Variants in GIGYF1 observed in about 807,000 individuals in gnomAD.
GIGYF1 encodes the protein GRB10 interacting GYF protein 1, also known as GRB10-interacting GYF protein 1.
A neutral mutation model predicts 147.1 loss-of-function variants in GIGYF1; 84 were observed. The ratio of observed to expected loss-of-function variants is 0.57; its 90% CI spans 0.48 to 0.68. The LOEUF is 0.68. Ranked by LOEUF, GIGYF1 falls within the 30% of genes least tolerant of loss-of-function variation. GIGYF1 has a pLI of 0.00. For missense variants in GIGYF1, 1,485 were observed against 1,393.7 expected, an observed-to-expected ratio of 1.07 and a Z score of -1.04; for synonymous variants, 752 against 589.5, an observed-to-expected ratio of 1.28 and a Z score of -3.99.
chr7:100,682,104 G>C lies in GIGYF1; in HGVS notation c.2893C>G (p.Gln965Glu), dbSNP rs1198856370. 8.1e-6 allele frequency: 13 copies of C among 1,613,682 alleles called. No individual in the cohort carries two copies. Among genetic ancestry groups the C allele is most frequent in the Non-Finnish European group, 1.0e-5 (12 of 1,179,866 alleles). ...TGCTGCCGCTGCTGGCTGGCTTTCT[G>C]CTTGGCCCTCCGCTCCAGGAATTGT... ...AKQFLERRAK[Q>E]KASQQRQQQQ... is the part of the protein sequence containing the mutation. Residue 965 changes from glutamine (Q) to glutamate (E), a missense_variant, in exon 25 of 27, where the codon CAG becomes GAG. Transcript: ENST00000678049.
At chr7:100,689,934 T>C (rs997456371) in intron 1 of GIGYF1, among the ~76,000 whole-genome samples, 2 of 152,042 alleles carry the variant, frequency 1.3e-5, no homozygotes, top group Admixed American at 6.5e-5. Context: ...GAGCAGTCAC[T>C]CATTGAGGGA....
At chr7:100,691,725 C>T (rs117945036) in intron 1 of GIGYF1, among the ~76,000 whole-genome samples, 5,537 of 152,168 alleles carry the variant, frequency 0.036, 154 homozygotes, top group Middle Eastern at 0.099. Flanking sequence ...GCCCTCAAGC[C>T]TCGGCCTACT....
intron 24 of GIGYF1, 34 bp downstream of exon 24, chr7:100,682,288 G>A: frequency 1.2e-6 from 2 of 1,608,682 alleles, no homozygotes; most frequent in Non-Finnish European, 1.7e-6. Context: ...TGGAGACCCA[G>A]GTCCCGCCCA....
intron 12 of GIGYF1, 87 bp from the exon 13 acceptor site, chr7:100,685,568 G>A (rs1288008474): frequency 7.5e-6 from 11 of 1,458,090 alleles, no homozygotes; most frequent in East Asian, 2.3e-5. Flanking sequence ...GGCTGGAACC[G>A]CGGGTCACAC....
Position 100,687,835 on chromosome 7 carries a change from C to T in GIGYF1, c.214G>A (p.Glu72Lys), listed in dbSNP as rs759529912. 3 of 1,612,896 alleles carry T rather than the reference C, an allele frequency of 1.9e-6. No individual in the cohort carries two copies. The Admixed American group carries it at 5.0e-5, about 27-fold the overall frequency. Residue 72 changes from glutamate (E) to lysine (K), a missense_variant, in exon 6 of 27, where the codon GAG (glutamate) becomes AAG (lysine). Physicochemically the swap from Glu to Lys is moderately conservative, Grantham distance 56. Transcript: ENST00000678049. ...TCCAGAGCCAGGGGCTGCAGTGGCT[C>T]GTCCTGCAGCACCGCGGCGAACTCC... Reference protein sequence around the residue: ...DKEFAAVLQDEPLQPLALEPL... With the variant: ...DKEFAAVLQDKPLQPLALEPL...
intron 8 of GIGYF1, 43 bp downstream of exon 8, chr7:100,687,255 C>G (rs1305450979): frequency 1.3e-6 from 2 of 1,580,436 alleles, no homozygotes; most frequent in African/African-American, 1.3e-5. Flanking sequence ...GCCTCCCCTC[C>G]CTGGCCTGCC....
In GIGYF1 at chr7:100,680,165, CAAAAAAAAAAAAAAAA is replaced by C. The variant is rs60489348; in HGVS notation, c.*1538_*1553del. 5.7e-5 allele frequency: 4 copies of C among 69,642 alleles called. No individual in the cohort carries two copies. Among genetic ancestry groups the C allele is most frequent in the Non-Finnish European group, 1.0e-4 (4 of 38,722 alleles). The allele number at this position is 69,642 out of a possible 1,614,324, so 4.3% of individuals were successfully genotyped here. A position where few individuals can be genotyped will look rare whatever the true frequency, so the allele number is the denominator to read the frequency against. The stretch of plus-strand genomic sequence containing the variant: ...CACTGACCTAGTTGCCACTTTGGTG[CAAAAAAAAAAAAAAAA>C]AAAAAAAAATCCAACAACAGAAAAC... On this transcript the variant is annotated 3_prime_UTR_variant, in exon 27 of 27. Transcript: ENST00000678049.
chr7:100,685,286 G>A (rs1584497981), intron 13 of GIGYF1, 58 bp downstream of exon 13: 1 of 1,542,708 alleles, frequency 6.5e-7, no homozygotes, highest in Non-Finnish European at 8.7e-7. Context: ...CACGAGTGGG[G>A]AGCACTTTCT....
At chr7:100,685,223 A>C (rs1383791460) in intron 13 of GIGYF1, 77 bp from the exon 14 acceptor site, 20 of 1,518,896 alleles carry the variant, frequency 1.3e-5, no homozygotes, top group Non-Finnish European at 1.7e-5. Context: ...TCACTCCAGA[A>C]CACCACGCTC....
At chr7:100,685,625 G>C in intron 12 of GIGYF1, 144 bp from the exon 13 acceptor site, 2 of 897,690 alleles carry the variant, frequency 2.2e-6, no homozygotes, top group African/African-American at 1.7e-5. Context: ...CTCAACTAAT[G>C]GCAGAGGGAA....
chr7:100,688,877 T>G lies in GIGYF1; in HGVS notation c.-420A>C, dbSNP rs1390639006. The G allele has an allele frequency of 6.0e-6, 1 of 166,458 alleles. No individual in the cohort carries two copies. Among genetic ancestry groups the G allele is most frequent in the Non-Finnish European group, 1.3e-5 (1 of 76,268 alleles). 10.3% of individuals were successfully genotyped at this position (166,458 alleles called of 1,614,324 possible). A position where few individuals can be genotyped will look rare whatever the true frequency, so the allele number is the denominator to read the frequency against. On this transcript the variant is annotated 5_prime_UTR_variant, in exon 2 of 27. Transcript: ENST00000678049. ...TGGGAGGCTGAGACAGGAGGTGTAG[T>G]GAAGAACTCGGGGAGGGAGGCAGCC...
At chr7:100,682,843 T>A in intron 22 of GIGYF1, 66 bp from the exon 23 acceptor site, 1 of 1,461,424 alleles carries the variant, frequency 6.8e-7, no homozygotes, top group South Asian at 1.4e-5. Context: ...TGGGGAGGCT[T>A]GTTTAGGTGG....
At position 100,685,099 on chromosome 7, in the gene GIGYF1, C is replaced by T; in HGVS notation, c.1240G>A (p.Gly414Ser). 1 of 1,582,456 alleles carries T rather than the reference C, an allele frequency of 6.3e-7. No homozygotes were observed. Residue 414 changes from glycine (G) to serine (S), a missense_variant, in exon 14 of 27, where the codon GGC (glycine) becomes AGC (serine). Physicochemically the swap from Gly to Ser is moderately conservative, Grantham distance 56 (BLOSUM62 0). Coordinates refer to ENST00000678049, the MANE Select transcript of GIGYF1 (RefSeq NM_001375765.1). ...QLSPGVGSSA[G>S]PPGDLEDDEG... ...TCATCCTCCAGATCTCCGGGTGGGC[C>T]AGCAGAGGAGCCCACCCCGGGACTC...
Position 100,683,841 on chromosome 7 carries a change from T to A in GIGYF1, c.1946A>T (p.His649Leu), listed in dbSNP as rs1805040387. The change falls in exon 19 of 27, where the codon CAT becomes CTT. Residue 649 changes from histidine (H) to leucine (L), a missense_variant. Coordinates refer to ENST00000678049, the MANE Select transcript of GIGYF1 (RefSeq NM_001375765.1). ...ACCTGACTGTGATGAGGCTGAGGTA[T>A]GTACGTCCCAGAGGCGGCCCGAATC... ...VPDSGRLWDV[H>L]TSASSQSGGE... The A allele has an allele frequency of 1.9e-6, 3 of 1,571,568 alleles. No individual in the cohort carries two copies. Among genetic ancestry groups the A allele is most frequent in the Non-Finnish European group, 2.6e-6 (3 of 1,157,840 alleles).
intron 8 of GIGYF1, 65 bp downstream of exon 8, chr7:100,687,233 G>T: frequency 1.3e-6 from 2 of 1,516,922 alleles, no homozygotes; most frequent in Non-Finnish European, 1.8e-6. Context: ...ACCCTCTAGC[G>T]ACAGGGCCCA....
chr7:100,685,497 G>A lies in GIGYF1; in HGVS notation c.1055-16C>T, dbSNP rs976016155. The A allele has an allele frequency of 2.5e-6, 4 of 1,596,534 alleles. No individual in the cohort carries two copies. Among genetic ancestry groups the A allele is most frequent in the African/African-American group, 2.7e-5 (2 of 73,602 alleles). On this transcript the variant is annotated splice_polypyrimidine_tract_variant and intron_variant, in intron 12 of 26. Coordinates refer to ENST00000678049, the MANE Select transcript of GIGYF1 (RefSeq NM_001375765.1). ...TCTTTCCCACCTAGAAGAGGGAGATGGCCAGAGTTCAGAACCAAGGGCTGG... is the reference window on the plus strand; with the variant it reads ...TCTTTCCCACCTAGAAGAGGGAGATAGCCAGAGTTCAGAACCAAGGGCTGG...
Position 100,686,687 on chromosome 7 carries a change from G to GA in GIGYF1, c.655_656insT (p.Pro219LeufsTer14). On this transcript the variant is annotated frameshift_variant, in exon 10 of 27. Transcript: ENST00000678049. LOFTEE classifies it high-confidence loss of function. ...GCGCCAGCGGTCGCCGTCTCGCCGGGGCCCTGCTCCGAGCCTCCAGCTGCC... is the reference window on the plus strand; with the variant it reads ...GCGCCAGCGGTCGCCGTCTCGCCGGGAGCCCTGCTCCGAGCCTCCAGCTGCC... The GA allele has an allele frequency of 6.2e-7, 1 of 1,612,962 alleles. No individual in the cohort carries two copies. Among genetic ancestry groups the GA allele is most frequent in the South Asian group, 1.1e-5 (1 of 91,070 alleles).
rs371794648 is a variant in GIGYF1 at position 100,683,977 on chromosome 7, C to G, written c.1868+43G>C. The G allele has an allele frequency of 2.2e-5, 35 of 1,572,804 alleles. No homozygotes were observed. The African/African-American group carries it at 3.9e-4, about 18-fold the overall frequency. ...AATCCATCTCTGGTCTGCCCCCATC[C>G]CCCCCCCACCCTGTATCCTGAGGGC... On this transcript the variant is annotated intron_variant, in intron 18 of 26. Coordinates refer to ENST00000678049, the MANE Select transcript of GIGYF1 (RefSeq NM_001375765.1).
At chr7:100,686,619 C>G in intron 10 of GIGYF1, 30 bp downstream of exon 10, 1 of 1,589,228 alleles carries the variant, frequency 6.3e-7, no homozygotes, top group South Asian at 1.1e-5. Context: ...CCCCACTGCC[C>G]CCGCCAATGC....
Sources: gnomAD v4.1 joint callset for allele counts (sites outside exome capture counted in the v4.1 genomes callset) on GRCh38, gnomAD v4.1.1 for gene constraint, MANE v1.5 for transcripts, NCBI Gene and HGNC (gene_info 2026-07-23, HGNC 2026-07-21) for gene names.